The following ST7L variants were observed in gnomAD, a reference collection of about 807,000 sequenced individuals.
The protein encoded by ST7L is suppressor of tumorigenicity 7 protein-like.
In ST7L, 57 loss-of-function variants were observed where a neutral mutation model predicts 72.5. That is an observed-to-expected ratio of 0.79 (90% CI 0.64 to 0.98). ST7L has a LOEUF of 0.98. ST7L is among the 50% of genes least tolerant of loss of function. The pLI is 0.00. For synonymous variants in ST7L, 221 were observed against 240.9 expected (o/e 0.92, Z 0.77); for missense variants, 576 against 672.2 (o/e 0.86, Z 1.58).
intron 4 of ST7L, among the ~76,000 whole-genome samples, chr1:112,599,841 A>G (rs1020114935): frequency 2.0e-5 from 3 of 152,210 alleles, no homozygotes; most frequent in Non-Finnish European, 2.9e-5. Flanking sequence ...TGTATTATAA[A>G]CCAGGGGCCT....
At chr1:112,555,542 G>C (rs1334794781) in intron 12 of ST7L, among the ~76,000 whole-genome samples, 1 of 152,082 alleles carries the variant, frequency 6.6e-6, no homozygotes, top group South Asian at 2.1e-4. Flanking sequence ...TCCAGCCTGG[G>C]GGACAGAGTG....
Position 112,597,875 on chromosome 1 carries a change from C to T in ST7L, c.622+96G>A. On this transcript the variant is annotated intron_variant, in intron 5 of 14. Coordinates refer to ENST00000358039, the MANE Select transcript of ST7L (RefSeq NM_017744.5). ...ATATAAACAACTCCAAGCCAAATAACTAAATAACTCTGTATATTATAATAA... is the reference window on the plus strand; with the variant it reads ...ATATAAACAACTCCAAGCCAAATAATTAAATAACTCTGTATATTATAATAA... The T allele has an allele frequency of 5.1e-6, 4 of 790,548 alleles. No homozygotes were observed. The Admixed American group carries it at 1.5e-4, about 30-fold the overall frequency. The allele number at this position is 790,548 out of a possible 1,614,324, so 49.0% of individuals were successfully genotyped here.
rs749226037 is a variant in ST7L, at chr1:112,538,762, G to C, written c.1629+3189C>G. Among the ~76,000 whole-genome samples the C allele has an allele frequency of 2.7e-4, 41 of 152,130 alleles. 1 individual carries two copies. Among genetic ancestry groups the C allele is most frequent in the Non-Finnish European group, 4.1e-4 (28 of 68,030 alleles). ...TCTCCTTTAAACAAGAAGGGGGTAG[G>C]GTTTCCCACTATTGCACTTTGGTGA... On this transcript the variant is annotated intron_variant, in intron 14 of 14. Transcript: ENST00000358039.
At chr1:112,567,677 C>G (rs918035122) in intron 11 of ST7L, among the ~76,000 whole-genome samples, 1 of 152,030 alleles carries the variant, frequency 6.6e-6, no homozygotes, top group Non-Finnish European at 1.5e-5. Flanking sequence ...TTTAGATATC[C>G]AGATGTTCTA....
chr1:112,559,896 T>C lies in ST7L; in HGVS notation c.1246-3878A>G, dbSNP rs554372692. On this transcript the variant is annotated intron_variant, in intron 11 of 14. Transcript: ENST00000358039. ...CGGGAGGCTGAGGCAGATAACTGCTTGAAGCCGGGCGGTGGCAGTTGCAGT... is the reference window on the plus strand; with the variant it reads ...CGGGAGGCTGAGGCAGATAACTGCTCGAAGCCGGGCGGTGGCAGTTGCAGT... 7.9e-5 allele frequency among the ~76,000 whole-genome samples: 12 copies of C among 151,486 alleles called. No individual in the cohort carries two copies. The South Asian group carries it at 2.5e-3, about 32-fold the overall frequency.
rs1660744438 is a variant in ST7L, at chr1:112,564,981, A to G, written c.1246-8963T>C. On this transcript the variant is annotated intron_variant, in intron 11 of 14. Transcript: ENST00000358039. ...ACTTAAAAGTCTCCAGGTATAGTCTACTTTCTTGGCAGCATAACACTAAAA... is the reference window on the plus strand; with the variant it reads ...ACTTAAAAGTCTCCAGGTATAGTCTGCTTTCTTGGCAGCATAACACTAAAA... 2.0e-5 allele frequency among the ~76,000 whole-genome samples: 3 copies of G among 151,806 alleles called. No homozygotes were observed. The South Asian group carries it at 6.2e-4, about 31-fold the overall frequency.
At chr1:112,586,599 T>C (rs957555876) in intron 6 of ST7L, among the ~76,000 whole-genome samples, 1 of 152,208 alleles carries the variant, frequency 6.6e-6, no homozygotes, top group Non-Finnish European at 1.5e-5. Context: ...ATTTTGAATG[T>C]ATATACTTTT....
chr1:112,539,765 A>G, intron 14 of ST7L: 1 of 985,374 alleles, frequency 1.0e-6, no homozygotes, highest in Non-Finnish European at 1.2e-6. Context: ...GAAATCCTGC[A>G]CAAATATTGG....
intron 12 of ST7L, among the ~76,000 whole-genome samples, chr1:112,551,138 C>CT (rs567601091): frequency 0.019 from 1,467 of 77,220 alleles, 228 homozygotes; most frequent in African/African-American, 0.027. Flanking sequence ...ATGAGCAGAT[C>CT]TTTTTTTTTT....
chr1:112,557,652 G>A (rs2101623814), intron 11 of ST7L, among the ~76,000 whole-genome samples: 1 of 152,296 alleles, frequency 6.6e-6, no homozygotes, highest in East Asian at 1.9e-4. Context: ...TGTTTAGGAA[G>A]TATTATGATT....
intron 13 of ST7L, among the ~76,000 whole-genome samples, chr1:112,546,423 G>A (rs760190987): frequency 1.3e-5 from 2 of 152,084 alleles, no homozygotes. Flanking sequence ...GGCTGTAGGG[G>A]CCTCAAGTTT....
chr1:112,602,581 T>C (rs116204837), intron 3 of ST7L, among the ~76,000 whole-genome samples: 29 of 152,332 alleles, frequency 1.9e-4, no homozygotes, highest in African/African-American at 6.5e-4. Context: ...ATAGCAGGTA[T>C]GATGGTTGTC....
chr1:112,554,345 T>A (rs1185809417), intron 12 of ST7L, among the ~76,000 whole-genome samples: 3 of 152,116 alleles, frequency 2.0e-5, no homozygotes, highest in Non-Finnish European at 2.9e-5. Flanking sequence ...AAATGGCCAA[T>A]AAACACATGA....
intron 12 of ST7L, 30 bp downstream of exon 12, chr1:112,555,838 T>C (rs1166823766): frequency 6.8e-7 from 1 of 1,472,618 alleles, no homozygotes; most frequent in South Asian, 1.5e-5. Flanking sequence ...GTTAGAGAGA[T>C]TAGTGTTACT....
chr1:112,595,040 G>A (rs1351952574), intron 5 of ST7L, among the ~76,000 whole-genome samples: 1 of 152,010 alleles, frequency 6.6e-6, no homozygotes. Flanking sequence ...ATGTGTTCAA[G>A]AAGAAAAAAG....
chr1:112,598,903 T>C (rs1350687697), intron 4 of ST7L, among the ~76,000 whole-genome samples: 1 of 149,106 alleles, frequency 6.7e-6, no homozygotes, highest in Non-Finnish European at 1.5e-5. Context: ...CTCCTAAAAA[T>C]ACAAAAATTA....
In ST7L at chr1:112,577,833, G is replaced by A. The variant is rs537517175; in HGVS notation, c.1142+512C>T. Among the ~76,000 whole-genome samples the A allele has an allele frequency of 4.8e-3, 727 of 152,226 alleles. 1 individual carries two copies. Among genetic ancestry groups the A allele is most frequent in the Non-Finnish European group, 7.6e-3 (519 of 68,014 alleles). ...GGTGAAAGAAAATGGCCACTATTTG[G>A]TTGGTTTCTGAGTATCTTACCTGCA... On this transcript the variant is annotated intron_variant, in intron 10 of 14. Transcript: ENST00000358039.
In ST7L at chr1:112,535,371, C is replaced by T. The variant is rs183205463; in HGVS notation, c.1629+6580G>A. Among the ~76,000 whole-genome samples, 659 of 150,514 alleles carry T rather than the reference C, an allele frequency of 4.4e-3. 5 individuals are homozygous for T. Among genetic ancestry groups the T allele is most frequent in the Non-Finnish European group, 4.7e-3 (319 of 67,756 alleles). ...TGGGCAACAGAGGCAGACTCTGTCT[C>T]CAAATAATAATACTAATAATAATAA... On this transcript the variant is annotated intron_variant, in intron 14 of 14. Transcript: ENST00000358039.
Position 112,610,824 on chromosome 1 carries a change from A to G in ST7L, c.451+17T>C. ...CTTAAATACACAGCTCTGAAAACAC[A>G]TTAGAAAAGTAGTCACCTGACAAAT... On this transcript the variant is annotated intron_variant, in intron 3 of 14. Transcript: ENST00000358039. 6.2e-7 allele frequency: 1 copy of G among 1,612,630 alleles called. No homozygotes were observed. Among genetic ancestry groups the G allele is most frequent in the Non-Finnish European group, 8.5e-7 (1 of 1,179,374 alleles).
Sources: gnomAD v4.1 joint callset for allele counts (sites outside exome capture counted in the v4.1 genomes callset) on GRCh38, gnomAD v4.1.1 for gene constraint, MANE v1.5 for transcripts, NCBI Gene and HGNC (gene_info 2026-07-23, HGNC 2026-07-21) for gene names.